CD247: variants seen among roughly 807,000 people sequenced by gnomAD.
CD247 encodes CD247 molecule, also known as T-cell surface glycoprotein CD3 zeta chain.
In CD247, 13 loss-of-function variants were observed where a neutral mutation model predicts 30.0. That is an observed-to-expected ratio of 0.43 (90% CI 0.28 to 0.69). The LOEUF (loss-of-function observed/expected upper bound fraction) is 0.69, where lower values mean the gene tolerates loss of function less well. Ranked by LOEUF, CD247 falls within the 30% of genes least tolerant of loss-of-function variation. CD247 has a pLI of 0.16. For missense variants in CD247, 193 were observed against 212.6 expected (o/e 0.91, Z 0.57); for synonymous variants, 72 against 80.0 (o/e 0.90, Z 0.53).
At chr1:167,514,263 A>C (rs1171788905) in intron 1 of CD247, among the ~76,000 whole-genome samples, 1 of 152,112 alleles carries the variant, frequency 6.6e-6, no homozygotes, top group Non-Finnish European at 1.5e-5. Flanking sequence ...CAGCCTCCCA[A>C]GTAGTTGGGA....
intron 1 of CD247, among the ~76,000 whole-genome samples, chr1:167,513,167 A>G (rs1467891852): frequency 6.6e-6 from 1 of 152,266 alleles, no homozygotes; most frequent in Non-Finnish European, 1.5e-5. Flanking sequence ...GGAAGCTTAC[A>G]TAGCAATTAA....
intron 1 of CD247, among the ~76,000 whole-genome samples, chr1:167,501,963 G>C (rs1451616334): frequency 6.6e-6 from 1 of 152,238 alleles, no homozygotes; most frequent in Non-Finnish European, 1.5e-5. Flanking sequence ...AAAATGTGCA[G>C]GCAATGTTTT....
At position 167,484,423 on chromosome 1, in the gene CD247, A is replaced by G. The variant is rs967567394; in HGVS notation, c.58+33985T>C. On this transcript the variant is annotated intron_variant, in intron 1 of 7. Transcript: ENST00000362089. ...TTCCCCTTTGGGAGCCCAGAGGCCA[A>G]GGTCAAGTTTCTGGAGGAGGAGGAG... Among the ~76,000 whole-genome samples the G allele has an allele frequency of 3.0e-4, 45 of 152,174 alleles. 1 individual carries two copies. The highest frequency in any genetic ancestry group is 1.1e-3 in the Admixed American group (17 of 15,278).
chr1:167,501,609 C>T (rs2102099069), intron 1 of CD247, among the ~76,000 whole-genome samples: 1 of 152,324 alleles, frequency 6.6e-6, no homozygotes, highest in African/African-American at 2.4e-5. Flanking sequence ...ATGGTCAATT[C>T]CTAGTGTCTC....
chr1:167,458,634 A>G (rs1652828778), intron 1 of CD247: 1 of 151,198 alleles, frequency 6.6e-6, no homozygotes. Flanking sequence ...CGCTACTTTC[A>G]GCAAAATGCA....
chr1:167,434,826 G>A (rs1030580661), intron 5 of CD247: 2 of 458,570 alleles, frequency 4.4e-6, no homozygotes, highest in Admixed American at 4.7e-5. Context: ...GCCGCAAGCA[G>A]GTGAGACATT....
In CD247 at chr1:167,431,191, C is replaced by T. The variant is rs1651248168; in HGVS notation, c.*490G>A. 1 of 424,968 alleles carries T rather than the reference C, an allele frequency of 2.4e-6. No homozygotes were observed. The highest frequency in any genetic ancestry group is 4.2e-6 in the Non-Finnish European group (1 of 240,444). The allele number at this position is 424,968 out of a possible 1,614,324, so 26.3% of individuals were successfully genotyped here. A position where few individuals can be genotyped will look rare whatever the true frequency, so the allele number is the denominator to read the frequency against. ...CATCTGCCCCTCTGCCCGGCCCTCT[C>T]ACCAGGGAGGCACAACATGGCCCAG... On this transcript the variant is annotated 3_prime_UTR_variant, in exon 8 of 8. Transcript: ENST00000362089.
intron 1 of CD247, among the ~76,000 whole-genome samples, chr1:167,465,740 C>T (rs1653219148): frequency 6.6e-6 from 1 of 152,204 alleles, no homozygotes; most frequent in Admixed American, 6.5e-5. Context: ...ATTTATTTCA[C>T]AGCAGCAGGA....
At chr1:167,478,116 G>A (rs1653826186) in intron 1 of CD247, among the ~76,000 whole-genome samples, 1 of 152,360 alleles carries the variant, frequency 6.6e-6, no homozygotes, top group African/African-American at 2.4e-5. Context: ...CCATAGAGCT[G>A]TGAGGGGCTG....
intron 1 of CD247, among the ~76,000 whole-genome samples, chr1:167,517,742 G>A (rs1463063166): frequency 6.6e-6 from 1 of 152,178 alleles, no homozygotes; most frequent in East Asian, 1.9e-4. Context: ...TGCGTCACCC[G>A]GCAGTCCCAG....
chr1:167,447,623 T>G (rs1310091560), intron 1 of CD247, among the ~76,000 whole-genome samples: 1 of 152,128 alleles, frequency 6.6e-6, no homozygotes, highest in Non-Finnish European at 1.5e-5. Flanking sequence ...AGGCGACAAC[T>G]GCAATCCAAG....
chr1:167,449,198 G>A (rs1391885254), intron 1 of CD247, among the ~76,000 whole-genome samples: 1 of 128,208 alleles, frequency 7.8e-6, no homozygotes, highest in Non-Finnish European at 1.6e-5. Context: ...TGTTGCCCAG[G>A]CTGGAGTGCA....
At chr1:167,481,954 AC>A (rs1297358149) in intron 1 of CD247, among the ~76,000 whole-genome samples, 1 of 152,032 alleles carries the variant, frequency 6.6e-6, no homozygotes, top group Non-Finnish European at 1.5e-5. Context: ...CTGCAGCAGG[AC>A]CTGCCTGTAT....
intron 1 of CD247, among the ~76,000 whole-genome samples, chr1:167,442,989 GAACACCCAT>G (rs1416379482): frequency 6.6e-6 from 1 of 151,856 alleles, no homozygotes; most frequent in South Asian, 2.1e-4. Context: ...ATTCTTCCTT[GAACACCCAT>G]ATTTTTCTAC....
At chr1:167,434,101 G>A (rs1402805153) in intron 5 of CD247, 25 bp from the exon 6 acceptor site, 7 of 1,608,486 alleles carry the variant, frequency 4.4e-6, no homozygotes, top group Non-Finnish European at 5.1e-6. Context: ...GTGGAACACT[G>A]ATTTTTACCA....
chr1:167,487,549 C>T (rs1180306796), intron 1 of CD247, among the ~76,000 whole-genome samples: 2 of 152,188 alleles, frequency 1.3e-5, no homozygotes, highest in Non-Finnish European at 2.9e-5. Flanking sequence ...CCATCCAATG[C>T]TTAAACCGCA....
At chr1:167,516,261 A>G (rs1441267255) in intron 1 of CD247, among the ~76,000 whole-genome samples, 1 of 152,236 alleles carries the variant, frequency 6.6e-6, no homozygotes, top group Non-Finnish European at 1.5e-5. Context: ...CTCTGCAGGC[A>G]CAAGTGTGCC....
intron 1 of CD247, among the ~76,000 whole-genome samples, chr1:167,444,876 G>A (rs570741627): frequency 2.6e-5 from 4 of 152,140 alleles, no homozygotes; most frequent in African/African-American, 7.2e-5. Flanking sequence ...TCTGTAAAAT[G>A]GGGATAACAA....
At chr1:167,451,023 G>C (rs1436064715) in intron 1 of CD247, among the ~76,000 whole-genome samples, 1 of 152,108 alleles carries the variant, frequency 6.6e-6, no homozygotes. Flanking sequence ...TGGTCAGAGC[G>C]GGCTTCAGCT....
Sources: allele counts gnomAD v4.1 joint callset (sites outside exome capture counted in the v4.1 genomes callset), GRCh38; gene constraint gnomAD v4.1.1; transcripts MANE v1.5; gene names NCBI Gene and HGNC (gene_info 2026-07-23, HGNC 2026-07-21).